IL1RAPL2: variants seen among roughly 807,000 people sequenced by gnomAD.
IL1RAPL2 encodes X-linked interleukin-1 receptor accessory protein-like 2.
Under a neutral mutation model 44.1 loss-of-function variants are expected in IL1RAPL2, and 3 were observed. That is an observed-to-expected ratio of 0.07 (90% CI 0.03 to 0.18). IL1RAPL2 has a LOEUF of 0.18. Ranked by LOEUF, IL1RAPL2 falls within the 10% of genes least tolerant of loss-of-function variation. IL1RAPL2 has a pLI of 1.00. For missense variants in IL1RAPL2, 391 were observed against 496.4 expected (o/e 0.79, Z 2.02); for synonymous variants, 181 against 178.8 (o/e 1.01, Z -0.10).
At chrX:104,966,860 T>C (rs1482532360) in intron 2 of IL1RAPL2, among the ~76,000 whole-genome samples, 1 of 112,510 alleles carries the variant, frequency 8.9e-6, no homozygotes, top group Non-Finnish European at 1.9e-5. Flanking sequence ...CTTTTTCCAA[T>C]AAAACTTCAT....
chrX:104,690,291 C>T (rs764379397), intron 2 of IL1RAPL2, among the ~76,000 whole-genome samples: 2 of 112,447 alleles, frequency 1.8e-5, no homozygotes, highest in Non-Finnish European at 3.8e-5. Flanking sequence ...GAAATGCTTT[C>T]TCAAATGTGA....
chrX:105,411,327 A>G (rs1012254539), intron 5 of IL1RAPL2, among the ~76,000 whole-genome samples: 4 of 111,680 alleles, frequency 3.6e-5, no homozygotes, highest in Non-Finnish European at 7.6e-5. Context: ...AATAACCTTG[A>G]ATGTAAATAG....
Position 105,072,687 on chromosome X carries a change from C to T in IL1RAPL2, c.83-122788C>T, listed in dbSNP as rs150256307. Among the ~76,000 whole-genome samples, 603 of 110,250 alleles carry T rather than the reference C, an allele frequency of 5.5e-3. 7 individuals carry two copies. The highest frequency in any genetic ancestry group is 0.019 in the African/African-American group (576 of 30,276). On this transcript the variant is annotated intron_variant, in intron 2 of 10. Transcript: ENST00000372582. ...TAAGTTCTGTGGTATATGTAGAGGA[C>T]GTGCAGTATTGTTACATAGGTATAC... is the stretch of plus-strand genomic sequence containing the variant.
intron 1 of IL1RAPL2, among the ~76,000 whole-genome samples, chrX:104,620,411 G>A (rs933784137): frequency 9.3e-6 from 1 of 107,984 alleles, no homozygotes; most frequent in East Asian, 2.9e-4. Context: ...AGGCCGAGGC[G>A]GGCGGATCAC....
chrX:105,372,766 A>T (rs2035353550), intron 5 of IL1RAPL2, among the ~76,000 whole-genome samples: 1 of 111,925 alleles, frequency 8.9e-6, no homozygotes, highest in South Asian at 3.7e-4. Context: ...TTTGCTAAGG[A>T]TAATGGCCTC....
intron 3 of IL1RAPL2, 89 bp from the exon 4 acceptor site, chrX:105,233,729 G>A (rs2034094777): frequency 2.6e-6 from 2 of 771,741 alleles, no homozygotes; most frequent in African/African-American, 2.1e-5. Flanking sequence ...GGTCCTAAAT[G>A]GAAAAGCCAA....
At chrX:105,308,733 T>TA (rs1296260298) in intron 5 of IL1RAPL2, among the ~76,000 whole-genome samples, 1 of 112,479 alleles carries the variant, frequency 8.9e-6, no homozygotes, top group African/African-American at 3.2e-5. Context: ...TAATTATGAG[T>TA]AAAGCTGCTA....
At chrX:104,653,704 C>T (rs959455016) in intron 1 of IL1RAPL2, among the ~76,000 whole-genome samples, 2 of 111,082 alleles carry the variant, frequency 1.8e-5, no homozygotes, top group Non-Finnish European at 3.8e-5. Context: ...AGGATCCTAC[C>T]AAGCACTTGA....
chrX:105,611,886 AAC>A (rs766405792), intron 6 of IL1RAPL2, among the ~76,000 whole-genome samples: 1 of 111,736 alleles, frequency 8.9e-6, no homozygotes, highest in African/African-American at 3.2e-5. Context: ...GTGTGACTAT[AAC>A]ACAGATTTTA....
chrX:104,766,722 G>A lies in IL1RAPL2; in HGVS notation c.82+107727G>A, dbSNP rs185338586. ...TGGTGTAGCCAAGATTCAAAGATAA[G>A]GAATCTGGTTTCAGACTCTGTGATG... is the stretch of plus-strand genomic sequence containing the variant. On this transcript the variant is annotated intron_variant, in intron 2 of 10. Transcript: ENST00000372582. Among the ~76,000 whole-genome samples the A allele has an allele frequency of 3.6e-5, 4 of 112,398 alleles. No individual in the cohort carries two copies. The East Asian group carries it at 1.1e-3, about 32-fold the overall frequency.
At chrX:104,605,977 G>A (rs781318863) in intron 1 of IL1RAPL2, among the ~76,000 whole-genome samples, 1 of 111,786 alleles carries the variant, frequency 8.9e-6, no homozygotes, top group Admixed American at 9.5e-5. Flanking sequence ...GATGAGGCCA[G>A]CATCATCCTG....
At chrX:104,840,429 CTGTT>C (rs1377481414) in intron 2 of IL1RAPL2, among the ~76,000 whole-genome samples, 7 of 111,663 alleles carry the variant, frequency 6.3e-5, no homozygotes, top group African/African-American at 2.0e-4. Flanking sequence ...GTCTGAGAGA[CTGTT>C]TGTTATGATT....
rs182788443 is a variant in IL1RAPL2, at chrX:105,743,366, C to T, written c.1048+2675C>T. Among the ~76,000 whole-genome samples, 122 of 111,370 alleles carry T rather than the reference C, an allele frequency of 1.1e-3. 1 individual carries two copies. The highest frequency in any genetic ancestry group is 3.7e-3 in the African/African-American group (114 of 30,723). The stretch of plus-strand genomic sequence containing the variant: ...TTTTCCTCATACATTATAACACTAG[C>T]CTGCTTTCTGTTTCTCATGTTCACC... On this transcript the variant is annotated intron_variant, in intron 8 of 10. Coordinates refer to ENST00000372582, the MANE Select transcript of IL1RAPL2 (RefSeq NM_017416.2).
intron 5 of IL1RAPL2, among the ~76,000 whole-genome samples, chrX:105,309,123 C>T (rs780579389): frequency 2.7e-5 from 3 of 110,430 alleles, no homozygotes; most frequent in Non-Finnish European, 3.8e-5. Context: ...CAACCTCCGC[C>T]TCTCGGGTTC....
intron 2 of IL1RAPL2, among the ~76,000 whole-genome samples, chrX:105,125,841 TC>T (rs1299486591): frequency 9.1e-6 from 1 of 109,308 alleles, no homozygotes; most frequent in Non-Finnish European, 1.9e-5. Flanking sequence ...TGGAACCAAT[TC>T]CCCCCGTGTA....
intron 2 of IL1RAPL2, among the ~76,000 whole-genome samples, chrX:104,677,571 A>G (rs1050816642): frequency 8.9e-6 from 1 of 112,420 alleles, no homozygotes; most frequent in Non-Finnish European, 1.9e-5. Flanking sequence ...CCCTGCCCCC[A>G]GAGGTGGAGC....
intron 2 of IL1RAPL2, among the ~76,000 whole-genome samples, chrX:104,836,196 G>A (rs1281612068): frequency 1.8e-5 from 2 of 110,769 alleles, no homozygotes; most frequent in African/African-American, 6.6e-5. Flanking sequence ...CTCATCTGTG[G>A]GAGCTAAAAA....
intron 2 of IL1RAPL2, among the ~76,000 whole-genome samples, chrX:104,847,920 G>A (rs1922101814): frequency 9.0e-6 from 1 of 110,813 alleles, no homozygotes; most frequent in African/African-American, 3.3e-5. Context: ...TCCCTTGTAA[G>A]TTGGATTCCT....
At chrX:105,071,509 C>CA (rs201251322) in intron 2 of IL1RAPL2, among the ~76,000 whole-genome samples, 100 of 109,124 alleles carry the variant, frequency 9.2e-4, no homozygotes, top group Non-Finnish European at 6.7e-4. Flanking sequence ...CAGAAATATA[C>CA]AAAAAAAAAT....
Sources: allele counts gnomAD v4.1 joint callset (sites outside exome capture counted in the v4.1 genomes callset), GRCh38; gene constraint gnomAD v4.1.1; transcripts MANE v1.5; gene names NCBI Gene and HGNC (gene_info 2026-07-23, HGNC 2026-07-21).